SSBP2: variants seen among roughly 807,000 people sequenced by gnomAD.
SSBP2 encodes single-stranded DNA-binding protein 2.
A neutral mutation model predicts 61.8 loss-of-function variants in SSBP2; 17 were observed. That is an observed-to-expected ratio of 0.28 (90% CI 0.19 to 0.41). The LOEUF is 0.41. Ranked by LOEUF, SSBP2 falls within the 10% of genes least tolerant of loss-of-function variation. The pLI, the probability that SSBP2 is intolerant of heterozygous loss-of-function variation, is 1.00. For missense variants in SSBP2, 310 were observed against 458.7 expected, an observed-to-expected ratio of 0.68 and a Z score of 2.96; for synonymous variants, 139 against 141.3, an observed-to-expected ratio of 0.98 and a Z score of 0.12.
At chr5:81,484,828 T>C (rs762191415) in intron 6 of SSBP2, among the ~76,000 whole-genome samples, 1 of 152,152 alleles carries the variant, frequency 6.6e-6, no homozygotes, top group Non-Finnish European at 1.5e-5. Flanking sequence ...TGGTCAGATG[T>C]AGTGTGTTTG....
intron 4 of SSBP2, among the ~76,000 whole-genome samples, chr5:81,542,651 T>C (rs145732987): frequency 6.6e-5 from 10 of 151,986 alleles, no homozygotes; most frequent in Middle Eastern, 3.4e-3. Flanking sequence ...GGTTTGGTGC[T>C]GTGTCCTCAC....
At chr5:81,442,373 A>C (rs1025717010) in intron 13 of SSBP2, among the ~76,000 whole-genome samples, 7 of 152,138 alleles carry the variant, frequency 4.6e-5, no homozygotes, top group Non-Finnish European at 1.0e-4. Flanking sequence ...GTCATTTTCA[A>C]ATAGTATATA....
At chr5:81,421,659 T>C (rs1433182828) in intron 16 of SSBP2, among the ~76,000 whole-genome samples, 5 of 152,158 alleles carry the variant, frequency 3.3e-5, no homozygotes, top group Admixed American at 6.5e-5. Flanking sequence ...AGAGCAACTA[T>C]TTTGCTAATT....
intron 12 of SSBP2, among the ~76,000 whole-genome samples, chr5:81,444,032 T>A (rs1383882317): frequency 6.6e-6 from 1 of 152,244 alleles, no homozygotes; most frequent in Admixed American, 6.5e-5. Flanking sequence ...TAGTGTGTAT[T>A]ACTTACAGAG....
chr5:81,435,520 T>C (rs986304071), intron 15 of SSBP2, among the ~76,000 whole-genome samples: 1 of 151,938 alleles, frequency 6.6e-6, no homozygotes, highest in Non-Finnish European at 1.5e-5. Context: ...TTATGAGGAG[T>C]GGGCATGGTA....
At chr5:81,519,383 G>T (rs1769282567) in intron 4 of SSBP2, among the ~76,000 whole-genome samples, 1 of 151,924 alleles carries the variant, frequency 6.6e-6, no homozygotes, top group African/African-American at 2.4e-5. Flanking sequence ...AATTTATAAA[G>T]GTCCACTGTA....
At chr5:81,680,215 A>T (rs1752283657) in intron 1 of SSBP2, among the ~76,000 whole-genome samples, 1 of 151,408 alleles carries the variant, frequency 6.6e-6, no homozygotes, top group African/African-American at 2.4e-5. Context: ...CAGCTTGCAG[A>T]TGAAGGATTG....
chr5:81,719,035 G>C (rs548603780), intron 1 of SSBP2, among the ~76,000 whole-genome samples: 1 of 152,144 alleles, frequency 6.6e-6, no homozygotes, highest in Non-Finnish European at 1.5e-5. Flanking sequence ...ATAATAACAA[G>C]TACATTTTTG....
chr5:81,497,761 C>A (rs965843132), intron 5 of SSBP2, among the ~76,000 whole-genome samples: 1 of 152,120 alleles, frequency 6.6e-6, no homozygotes, highest in African/African-American at 2.4e-5. Flanking sequence ...GCCTTTCATT[C>A]TCTCCTGCTT....
At chr5:81,748,189 T>C (rs941023396) in intron 1 of SSBP2, among the ~76,000 whole-genome samples, 2 of 152,220 alleles carry the variant, frequency 1.3e-5, no homozygotes, top group African/African-American at 4.8e-5. Flanking sequence ...TTCCTAAGCA[T>C]GCTATTATTT....
At chr5:81,656,993 C>T (rs893119600) in intron 1 of SSBP2, among the ~76,000 whole-genome samples, 2 of 152,114 alleles carry the variant, frequency 1.3e-5, no homozygotes, top group African/African-American at 4.8e-5. Flanking sequence ...GAACAAGTCA[C>T]TCCCATGCTT....
chr5:81,708,494 C>T (rs115823109), intron 1 of SSBP2, among the ~76,000 whole-genome samples: 2,422 of 151,988 alleles, frequency 0.016, 28 homozygotes, highest in African/African-American at 0.029. Flanking sequence ...CTGACCAATG[C>T]GTCATGTTAG....
intron 4 of SSBP2, among the ~76,000 whole-genome samples, chr5:81,556,641 C>T (rs1459848558): frequency 2.0e-5 from 3 of 152,088 alleles, no homozygotes; most frequent in Non-Finnish European, 4.4e-5. Flanking sequence ...TTCCCTACTG[C>T]CTTTTCATGA....
intron 4 of SSBP2, among the ~76,000 whole-genome samples, chr5:81,556,257 T>G (rs915254172): frequency 6.6e-6 from 1 of 152,112 alleles, no homozygotes; most frequent in Non-Finnish European, 1.5e-5. Flanking sequence ...CTATGTTCAT[T>G]TCCAGTGGTC....
chr5:81,501,629 C>T (rs1437016383), intron 5 of SSBP2, among the ~76,000 whole-genome samples: 1 of 133,280 alleles, frequency 7.5e-6, no homozygotes, highest in African/African-American at 2.8e-5. Flanking sequence ...GTGGCGTGAT[C>T]TGGGCTCACT....
At chr5:81,503,548 G>A (rs770505943) in intron 5 of SSBP2, among the ~76,000 whole-genome samples, 4 of 152,148 alleles carry the variant, frequency 2.6e-5, no homozygotes, top group Non-Finnish European at 5.9e-5. Context: ...GCAAATTAGT[G>A]CAATCATTGT....
At chr5:81,564,734 T>C (rs942026574) in intron 4 of SSBP2, among the ~76,000 whole-genome samples, 1 of 152,192 alleles carries the variant, frequency 6.6e-6, no homozygotes, top group Non-Finnish European at 1.5e-5. Context: ...AATTATGAAG[T>C]ATCAGAAATC....
intron 1 of SSBP2, 64 bp from the exon 2 acceptor site, chr5:81,650,403 A>G: frequency 8.7e-7 from 1 of 1,149,408 alleles, no homozygotes; most frequent in East Asian, 2.7e-5. Flanking sequence ...TAAATAATGC[A>G]CATCTTTCCA....
intron 6 of SSBP2, among the ~76,000 whole-genome samples, chr5:81,478,201 G>T (rs1297675313): frequency 6.6e-6 from 1 of 151,878 alleles, no homozygotes; most frequent in African/African-American, 2.4e-5. Context: ...TCCCTCAGCT[G>T]CCCAGGCTGC....
Sources: allele counts gnomAD v4.1 joint callset (sites outside exome capture counted in the v4.1 genomes callset), GRCh38; gene constraint gnomAD v4.1.1; transcripts MANE v1.5; gene names NCBI Gene and HGNC (gene_info 2026-07-23, HGNC 2026-07-21).